Variants in FRMPD4 observed in about 807,000 individuals in gnomAD.
The protein encoded by FRMPD4 is FERM and PDZ domain-containing protein 4.
A neutral mutation model predicts 94.1 loss-of-function variants in FRMPD4; 22 were observed. The ratio of observed to expected loss-of-function variants is 0.23; its 90% CI spans 0.17 to 0.33. The LOEUF (loss-of-function observed/expected upper bound fraction) is 0.33, where lower values mean the gene tolerates loss of function less well. FRMPD4 is among the 10% of genes least tolerant of loss of function. The probability of loss-of-function intolerance (pLI) is 1.00; values close to 1 mark genes in which losing one functional copy is unlikely to be tolerated. For synonymous variants in FRMPD4, 631 were observed against 548.6 expected, an observed-to-expected ratio of 1.15 and a Z score of -2.10; for missense variants, 1,111 against 1,339.9, an observed-to-expected ratio of 0.83 and a Z score of 2.67.
intron 3 of FRMPD4, among the ~76,000 whole-genome samples, chrX:11,975,486 T>C (rs2054362158): frequency 8.9e-6 from 1 of 112,366 alleles, no homozygotes; most frequent in South Asian, 3.7e-4. Context: ...GTTTGATAAA[T>C]TGCAACAATA....
At chrX:12,657,878 A>G (rs1367340217) in intron 4 of FRMPD4, among the ~76,000 whole-genome samples, 1 of 112,328 alleles carries the variant, frequency 8.9e-6, no homozygotes, top group Non-Finnish European at 1.9e-5. Flanking sequence ...CCTTTTTTCT[A>G]ACTGGTTTCT....
chrX:12,457,191 A>G (rs1231784087), intron 1 of FRMPD4, among the ~76,000 whole-genome samples: 2 of 111,838 alleles, frequency 1.8e-5, no homozygotes, highest in East Asian at 5.6e-4. Flanking sequence ...CCTTCGTCAA[A>G]AGGAAATGCC....
intron 2 of FRMPD4, among the ~76,000 whole-genome samples, chrX:12,515,955 C>T (rs2058091740): frequency 9.0e-6 from 1 of 111,492 alleles, no homozygotes; most frequent in Non-Finnish European, 1.9e-5. Context: ...TATATAATGC[C>T]CTCCTTTGTC....
intron 1 of FRMPD4, among the ~76,000 whole-genome samples, chrX:12,273,856 C>T (rs894374433): frequency 8.9e-6 from 1 of 112,097 alleles, no homozygotes; most frequent in African/African-American, 3.2e-5. Flanking sequence ...GCCTTTTTGA[C>T]CGAAATGTTT....
At chrX:12,643,142 G>GT (rs148740345) in intron 4 of FRMPD4, among the ~76,000 whole-genome samples, 27,911 of 102,427 alleles carry the variant, frequency 0.27, 3,641 homozygotes, top group Non-Finnish European at 0.38. Flanking sequence ...AAATAATTCA[G>GT]TTTTTTTTTT....
chrX:12,319,858 G>A (rs754518363), intron 1 of FRMPD4, among the ~76,000 whole-genome samples: 38 of 111,746 alleles, frequency 3.4e-4, no homozygotes, highest in African/African-American at 1.2e-3. Context: ...AAAATCTATT[G>A]GCAATGTTTC....
At position 11,873,085 on chromosome X, in the gene FRMPD4, C is replaced by T. The variant is rs766726832; in HGVS notation, c.-29-4810C>T. Among the ~76,000 whole-genome samples, 3 of 111,971 alleles carry T rather than the reference C, an allele frequency of 2.7e-5. No individual in the cohort carries two copies. In the South Asian group the frequency reaches 1.1e-3, roughly 41 times the overall value. ...GAAACACAAAAATATTTTCTCTACA[C>T]TCCCCACTGTTGAAGACTACACTTT... is the stretch of plus-strand genomic sequence containing the variant. On this transcript the variant is annotated intron_variant, in intron 2 of 18. Coordinates refer to the FRMPD4 transcript ENST00000640291.
intron 1 of FRMPD4, among the ~76,000 whole-genome samples, chrX:12,494,296 C>T (rs1477244756): frequency 9.0e-6 from 1 of 111,578 alleles, no homozygotes; most frequent in African/African-American, 3.3e-5. Flanking sequence ...TAGCAATATA[C>T]CTAGTCTCCT....
At chrX:12,505,753 G>A (rs2057977161) in intron 2 of FRMPD4, among the ~76,000 whole-genome samples, 2 of 107,310 alleles carry the variant, frequency 1.9e-5, no homozygotes, top group South Asian at 8.3e-4. Flanking sequence ...AAAAAAAGGG[G>A]GGGAGAGCAA....
At chrX:11,959,413 C>T (rs2054273131) in intron 3 of FRMPD4, among the ~76,000 whole-genome samples, 1 of 112,306 alleles carries the variant, frequency 8.9e-6, no homozygotes, top group African/African-American at 3.2e-5. Context: ...AATGGAGTGT[C>T]ACGTCCCTTC....
intron 1 of FRMPD4, among the ~76,000 whole-genome samples, chrX:12,484,426 G>C (rs2057719198): frequency 8.9e-6 from 1 of 112,033 alleles, no homozygotes; most frequent in Non-Finnish European, 1.9e-5. Flanking sequence ...GATTCACCAA[G>C]GATTGGTTGT....
At chrX:11,988,834 G>A (rs183472892) in intron 3 of FRMPD4, among the ~76,000 whole-genome samples, 2 of 111,572 alleles carry the variant, frequency 1.8e-5, no homozygotes, top group Non-Finnish European at 3.8e-5. Context: ...CATACAAATG[G>A]CAAACAGGCA....
chrX:12,589,094 T>G (rs930781040), intron 2 of FRMPD4, among the ~76,000 whole-genome samples: 15 of 112,469 alleles, frequency 1.3e-4, no homozygotes, highest in Admixed American at 1.0e-3. Context: ...ACTTTCTGAA[T>G]ATTGTCAGAT....
intron 1 of FRMPD4, among the ~76,000 whole-genome samples, chrX:12,273,285 G>A (rs2054382178): frequency 9.0e-6 from 1 of 111,668 alleles, no homozygotes; most frequent in Admixed American, 9.5e-5. Context: ...AATTTTGAAA[G>A]TGTTAACAAG....
intron 3 of FRMPD4, among the ~76,000 whole-genome samples, chrX:12,093,373 C>T (rs944416282): frequency 9.0e-6 from 1 of 110,771 alleles, no homozygotes; most frequent in African/African-American, 3.3e-5. Flanking sequence ...CCTCCTTTTC[C>T]CCCAAGCCAG....
At chrX:12,704,641 A>G (rs2041843822) in intron 11 of FRMPD4, among the ~76,000 whole-genome samples, 156 bp downstream of exon 11, 2 of 112,954 alleles carry the variant, frequency 1.8e-5, no homozygotes, top group South Asian at 7.2e-4. Context: ...CATGTTTCTA[A>G]CACTAATGAA....
chrX:12,624,438 A>C (rs768866759), intron 4 of FRMPD4, among the ~76,000 whole-genome samples: 1 of 112,211 alleles, frequency 8.9e-6, no homozygotes, highest in East Asian at 2.8e-4. Flanking sequence ...GGTTGTTATC[A>C]GCTTAAAATT....
At chrX:11,882,475 CCAAAATT>C (rs1453266175) in intron 3 of FRMPD4, among the ~76,000 whole-genome samples, 1 of 111,159 alleles carries the variant, frequency 9.0e-6, no homozygotes, top group Non-Finnish European at 1.9e-5. Flanking sequence ...ATTCGAAAAT[CCAAAATT>C]TGAAACTTTT....
intron 3 of FRMPD4, among the ~76,000 whole-genome samples, chrX:12,082,272 G>A (rs2055068684): frequency 9.0e-6 from 1 of 111,609 alleles, no homozygotes; most frequent in Non-Finnish European, 1.9e-5. Context: ...AATCATGGGG[G>A]CTGGTCTTTC....
Sources: allele counts gnomAD v4.1 joint callset (sites outside exome capture counted in the v4.1 genomes callset), GRCh38; gene constraint gnomAD v4.1.1; transcripts MANE v1.5; gene names NCBI Gene and HGNC (gene_info 2026-07-23, HGNC 2026-07-21).